The following LAD1 variants were observed in gnomAD, a reference collection of about 807,000 sequenced individuals.
The protein encoded by LAD1 is ladinin 1.
In LAD1, 53 loss-of-function variants were observed where a neutral mutation model predicts 54.2. The observed-to-expected ratio is 0.98, with a 90% confidence interval of 0.78 to 1.23. The LOEUF (loss-of-function observed/expected upper bound fraction) is 1.23. LAD1 is among the 50% of genes most tolerant of loss of function. LAD1 has a pLI of 0.00. For missense variants in LAD1, 637 were observed against 653.3 expected (o/e 0.98, Z 0.27); for synonymous variants, 231 against 257.7 (o/e 0.90, Z 0.99).
Position 201,387,164 on chromosome 1 carries a change from TC to T in LAD1, c.196del (p.Glu66LysfsTer57). On this transcript the variant is annotated frameshift_variant, in exon 3 of 10. Transcript: ENST00000391967. LOFTEE classifies it high-confidence loss of function. ...ASASERLPSVEEAEVPKPLPP... is the reference protein window; with the variant it reads ...ASASERLPSVXEAEVPKPLPP... ...CAGTGGCTTGGGCACCTCTGCTTCT[TC>T]CACGCTCGGTAGTCTGAATCAGAAG... 1 of 1,517,074 alleles carries T rather than the reference TC, an allele frequency of 6.6e-7. No individual in the cohort carries two copies. The highest frequency in any genetic ancestry group is 8.8e-7 in the Non-Finnish European group (1 of 1,134,920). 94.0% of individuals were successfully genotyped at this position (1,517,074 alleles called of 1,614,324 possible). A position where few individuals can be genotyped will look rare whatever the true frequency, so the allele number is the denominator to read the frequency against.
At chr1:201,387,324 T>C in intron 2 of LAD1, 146 bp from the exon 3 acceptor site, 1 of 731,536 alleles carries the variant, frequency 1.4e-6, no homozygotes, top group Non-Finnish European at 2.0e-6. Flanking sequence ...ACCACCTTTA[T>C]CCACTCGATA....
chr1:201,398,528 A>G (rs1199555169), intron 1 of LAD1, among the ~76,000 whole-genome samples: 1 of 152,108 alleles, frequency 6.6e-6, no homozygotes, highest in Non-Finnish European at 1.5e-5. Flanking sequence ...CTCCAAGAGA[A>G]GTCGCTAGAG....
chr1:201,397,119 GC>G, intron 1 of LAD1: 1 of 152,594 alleles, frequency 6.6e-6, no homozygotes, highest in Non-Finnish European at 1.5e-5. Context: ...CTGCAGGCTG[GC>G]CCCCAGCTAC....
At chr1:201,382,442 G>T in intron 8 of LAD1, 116 bp from the exon 9 acceptor site, 4 of 915,820 alleles carry the variant, frequency 4.4e-6, no homozygotes, top group South Asian at 1.5e-5. Context: ...AAAGAGAAAA[G>T]GAACCCAGAC....
At chr1:201,390,356 C>T (rs1172232541) in intron 1 of LAD1, among the ~76,000 whole-genome samples, 4 of 145,232 alleles carry the variant, frequency 2.8e-5, no homozygotes, top group African/African-American at 1.0e-4. Flanking sequence ...GAAACCCTGT[C>T]TCTACTAAAA....
At chr1:201,398,903 A>G (rs115261133) in intron 1 of LAD1, among the ~76,000 whole-genome samples, 1,700 of 152,288 alleles carry the variant, frequency 0.011, 43 homozygotes, top group African/African-American at 0.04. Flanking sequence ...GGGGGCAGTG[A>G]GAGAGGCTTC....
intron 1 of LAD1, among the ~76,000 whole-genome samples, chr1:201,393,532 G>T (rs1662232494): frequency 6.6e-6 from 1 of 152,094 alleles, no homozygotes. Context: ...GATCACCTGA[G>T]GTCAGGAGTT....
chr1:201,394,188 G>C (rs1662246244), intron 1 of LAD1, among the ~76,000 whole-genome samples: 2 of 152,208 alleles, frequency 1.3e-5, no homozygotes, highest in Admixed American at 6.5e-5. Context: ...GTCAATTTCA[G>C]GGGTGCTGGG....
intron 1 of LAD1, among the ~76,000 whole-genome samples, chr1:201,397,672 A>G (rs1662320847): frequency 6.6e-6 from 1 of 152,178 alleles, no homozygotes. Flanking sequence ...CCCAATGCAC[A>G]GTACTGAGGT....
At chr1:201,392,536 G>A (rs985989743) in intron 1 of LAD1, among the ~76,000 whole-genome samples, 1 of 152,234 alleles carries the variant, frequency 6.6e-6, no homozygotes, top group Non-Finnish European at 1.5e-5. Context: ...CCGTCAGCCA[G>A]TGTTCCAGGA....
chr1:201,389,269 C>T lies in LAD1; in HGVS notation c.73G>A (p.Glu25Lys). 2 of 1,613,846 alleles carry T rather than the reference C, an allele frequency of 1.2e-6. No homozygotes were observed. The highest frequency in any genetic ancestry group is 1.7e-6 in the Non-Finnish European group (2 of 1,180,006). The change falls in exon 2 of 10, where the codon GAA (glutamate) becomes AAA (lysine). Residue 25 changes from glutamate to lysine, a missense_variant. Coordinates refer to ENST00000391967, the MANE Select transcript of LAD1 (RefSeq NM_005558.4). The stretch of plus-strand genomic sequence containing the variant: ...CGCCGCCTGCGCTCGCGCTCCTGTT[C>T]CTCCTCATCCTCCAGAGTCCTCTGC... ...ARQRTLEDEE[E>K]QERERRRRHR... is the part of the protein sequence containing the mutation.
intron 1 of LAD1, among the ~76,000 whole-genome samples, chr1:201,394,683 C>G (rs780460788): frequency 6.6e-6 from 1 of 152,224 alleles, no homozygotes; most frequent in African/African-American, 2.4e-5. Flanking sequence ...GATTTAGAAA[C>G]GCCAACTTCT....
intron 4 of LAD1, 100 bp downstream of exon 4, chr1:201,385,601 G>C (rs1375994132): frequency 2.3e-6 from 2 of 864,908 alleles, no homozygotes; most frequent in Non-Finnish European, 4.0e-6. Flanking sequence ...CTATCCAGGG[G>C]ACCTTCCTAC....
rs202091976 is a variant in LAD1 at position 201,389,346 on chromosome 1, A to C, written c.39-43T>G. The C allele has an allele frequency of 1.0e-3, 1,668 of 1,588,984 alleles. 2 individuals carry two copies. Among genetic ancestry groups the C allele is most frequent in the Non-Finnish European group, 1.3e-3 (1,482 of 1,169,176 alleles). On this transcript the variant is annotated intron_variant, in intron 1 of 9. Coordinates refer to ENST00000391967, the MANE Select transcript of LAD1 (RefSeq NM_005558.4). ...AGGGTCAGCACAGCTGGGGAAACCC[A>C]GGACCCTCCCGAGGCAGGCTCCTCT... is the stretch of plus-strand genomic sequence containing the variant.
intron 3 of LAD1, 148 bp downstream of exon 3, chr1:201,386,184 AAGC>A: frequency 1.3e-6 from 1 of 782,404 alleles, no homozygotes; most frequent in East Asian, 2.9e-5. Flanking sequence ...CCATGGCTAG[AAGC>A]AGGCAGGGAA....
chr1:201,394,133 C>T (rs1217414088), intron 1 of LAD1, among the ~76,000 whole-genome samples: 14 of 152,092 alleles, frequency 9.2e-5, no homozygotes, highest in Admixed American at 9.2e-4. Context: ...CAGTACGGTG[C>T]CCGGCACCCA....
chr1:201,384,148 G>A (rs1025425442), intron 5 of LAD1, among the ~76,000 whole-genome samples: 4 of 152,120 alleles, frequency 2.6e-5, no homozygotes, highest in African/African-American at 9.7e-5. Context: ...GGGTGGGTGT[G>A]AGTTGCTTGA....
At chr1:201,387,406 G>A (rs1231298842) in intron 2 of LAD1, among the ~76,000 whole-genome samples, 2 of 152,166 alleles carry the variant, frequency 1.3e-5, no homozygotes, top group African/African-American at 2.4e-5. Flanking sequence ...TTCCTATGAA[G>A]TCCAACGACT....
intron 5 of LAD1, chr1:201,383,610 A>T (rs1662014569): frequency 5.1e-6 from 3 of 593,972 alleles, no homozygotes; most frequent in African/African-American, 3.7e-5. Context: ...TCAATAGGAC[A>T]TCCCTTCTCC....
Sources: gnomAD v4.1 joint callset for allele counts (sites outside exome capture counted in the v4.1 genomes callset) on GRCh38, gnomAD v4.1.1 for gene constraint, MANE v1.5 for transcripts, NCBI Gene and HGNC (gene_info 2026-07-23, HGNC 2026-07-21) for gene names.